The following SUGCT variants were observed in gnomAD, a reference collection of about 807,000 sequenced individuals.
SUGCT encodes succinyl-CoA:glutarate CoA-transferase.
In SUGCT, 41 loss-of-function variants were observed where a neutral mutation model predicts 55.0. The observed-to-expected ratio is 0.74, with a 90% confidence interval of 0.58 to 0.97. The LOEUF (loss-of-function observed/expected upper bound fraction) is 0.97, where lower values mean the gene tolerates loss of function less well. Ranked by LOEUF, SUGCT falls within the 50% of genes least tolerant of loss-of-function variation. The probability of loss-of-function intolerance (pLI) is 0.00; values close to 1 mark genes in which losing one functional copy is unlikely to be tolerated. For missense variants in SUGCT, 568 were observed against 547.8 expected (o/e 1.04, Z -0.37); for synonymous variants, 187 against 200.4 (o/e 0.93, Z 0.56).
intron 3 of SUGCT, 40 bp from the exon 4 acceptor site, chr7:40,188,455 A>AC: frequency 1.6e-6 from 2 of 1,251,422 alleles, no homozygotes; most frequent in Non-Finnish European, 1.1e-6. Context: ...AAAAAAAAAA[A>AC]CAAACCCCAA....
the SUGCT span, among the ~76,000 whole-genome samples, chr7:40,954,892 G>A: frequency 6.6e-6 from 1 of 152,116 alleles, no homozygotes; most frequent in African/African-American, 2.4e-5. Context: ...TATTAAATAG[G>A]GAATCCTCTC....
intron 7 of SUGCT, among the ~76,000 whole-genome samples, chr7:40,262,450 A>G (rs1791280958): frequency 6.8e-6 from 1 of 148,030 alleles, no homozygotes; most frequent in South Asian, 2.1e-4. Flanking sequence ...GGAGATCGAG[A>G]CCATCCTGGC....
rs140721806 is a variant in SUGCT at position 40,568,956 on chromosome 7, C to T, written c.1089+72570C>T. On this transcript the variant is annotated intron_variant, in intron 12 of 13. Transcript: ENST00000335693. ...GGGGAAGTTCATTGTCCTTTTTGAG[C>T]TTTGGTTTTCTCATCTGCAAAGCAT... 3.0e-3 allele frequency among the ~76,000 whole-genome samples: 460 copies of T among 152,198 alleles called. 7 individuals carry two copies. Among genetic ancestry groups the T allele is most frequent in the East Asian group, 0.03 (155 of 5,176 alleles).
intron 9 of SUGCT, among the ~76,000 whole-genome samples, chr7:40,401,554 A>G (rs1475123785): frequency 1.3e-5 from 2 of 152,202 alleles, no homozygotes; most frequent in African/African-American, 4.8e-5. Context: ...CATTCAGGAA[A>G]GGTAGGTTAA....
chr7:40,732,677 C>T (rs2128696699), intron 12 of SUGCT, among the ~76,000 whole-genome samples: 1 of 152,328 alleles, frequency 6.6e-6, no homozygotes, highest in East Asian at 1.9e-4. Context: ...AGGCAGCACT[C>T]TCCCTGATAC....
At chr7:40,508,399 A>T (rs1792730145) in intron 12 of SUGCT, among the ~76,000 whole-genome samples, 1 of 152,202 alleles carries the variant, frequency 6.6e-6, no homozygotes, top group African/African-American at 2.4e-5. Context: ...CTTCTGCAGC[A>T]CAGGCTATGA....
chr7:40,457,609 G>T (rs1562791360), intron 10 of SUGCT, among the ~76,000 whole-genome samples: 2 of 152,170 alleles, frequency 1.3e-5, no homozygotes, highest in Non-Finnish European at 2.9e-5. Context: ...AGTCATTGAA[G>T]TTGTCTCTCG....
chr7:40,545,343 G>A (rs1259283009), intron 12 of SUGCT, among the ~76,000 whole-genome samples: 1 of 152,146 alleles, frequency 6.6e-6, no homozygotes, highest in Non-Finnish European at 1.5e-5. Flanking sequence ...GAAATGTTGA[G>A]CCTTCCTTTC....
intron 12 of SUGCT, among the ~76,000 whole-genome samples, chr7:40,548,854 G>A (rs1052518970): frequency 2.0e-5 from 3 of 151,856 alleles, no homozygotes; most frequent in Admixed American, 6.6e-5. Context: ...TCCTATCTTC[G>A]GACACCCAAT....
chr7:40,603,806 T>G (rs903632846), intron 12 of SUGCT, among the ~76,000 whole-genome samples: 5 of 152,218 alleles, frequency 3.3e-5, no homozygotes, highest in African/African-American at 1.2e-4. Context: ...CATTTCATGT[T>G]TGATATGCAT....
At chr7:40,274,073 CTTTTTT>C (rs386409972) in intron 7 of SUGCT, among the ~76,000 whole-genome samples, 16 of 68,020 alleles carry the variant, frequency 2.4e-4, no homozygotes, top group South Asian at 6.2e-4. Context: ...TTTTTACCTT[CTTTTTT>C]TTTTTTTTTT....
At chr7:40,167,294 T>C (rs916639933) in intron 1 of SUGCT, among the ~76,000 whole-genome samples, 3 of 152,242 alleles carry the variant, frequency 2.0e-5, no homozygotes, top group African/African-American at 7.2e-5. Context: ...TATAAAATTC[T>C]AGATAATGAA....
intron 9 of SUGCT, among the ~76,000 whole-genome samples, chr7:40,444,908 C>T (rs1788728171): frequency 1.3e-5 from 2 of 152,032 alleles, no homozygotes; most frequent in Non-Finnish European, 2.9e-5. Context: ...ACCAATACCT[C>T]GTTTATTGAG....
At chr7:40,226,158 G>T (rs1447328282) in intron 6 of SUGCT, among the ~76,000 whole-genome samples, 1 of 152,086 alleles carries the variant, frequency 6.6e-6, no homozygotes, top group East Asian at 1.9e-4. Context: ...TGCTGAGGTT[G>T]GTTTTGGAAT....
chr7:40,817,890 T>C (rs2128763760), intron 13 of SUGCT, among the ~76,000 whole-genome samples: 2 of 152,342 alleles, frequency 1.3e-5, no homozygotes, highest in Middle Eastern at 3.4e-3. Flanking sequence ...GGTAGTGATC[T>C]GCAGAGTCAA....
At chr7:40,211,832 A>C (rs1678968054) in intron 6 of SUGCT, among the ~76,000 whole-genome samples, 1 of 152,134 alleles carries the variant, frequency 6.6e-6, no homozygotes, top group Admixed American at 6.5e-5. Context: ...AAATTTACTT[A>C]TCTAGAGCAG....
chr7:40,918,255 G>A, the SUGCT span, among the ~76,000 whole-genome samples: 4 of 152,092 alleles, frequency 2.6e-5, no homozygotes, highest in African/African-American at 9.7e-5. Flanking sequence ...GAGGTCAGGA[G>A]TTTGAGACCA....
At chr7:40,437,302 A>G (rs1304153789) in intron 9 of SUGCT, among the ~76,000 whole-genome samples, 1 of 152,212 alleles carries the variant, frequency 6.6e-6, no homozygotes, top group Admixed American at 6.5e-5. Context: ...AATTTATTTG[A>G]GGAACCTCAA....
chr7:40,158,861 C>T (rs901110274), intron 1 of SUGCT, among the ~76,000 whole-genome samples: 2 of 151,900 alleles, frequency 1.3e-5, no homozygotes, highest in African/African-American at 4.8e-5. Context: ...ATACATTTTG[C>T]AAAAAATGTG....
Sources: allele counts gnomAD v4.1 joint callset (sites outside exome capture counted in the v4.1 genomes callset), GRCh38; gene constraint gnomAD v4.1.1; transcripts MANE v1.5; gene names NCBI Gene and HGNC (gene_info 2026-07-23, HGNC 2026-07-21).